Variants in MED12L observed in about 807,000 individuals in gnomAD.
MED12L encodes the protein mediator complex subunit 12L.
A neutral mutation model predicts 281.3 loss-of-function variants in MED12L; 60 were observed. That is an observed-to-expected ratio of 0.21 (90% CI 0.17 to 0.26). The LOEUF (loss-of-function observed/expected upper bound fraction) is 0.26. MED12L is among the 10% of genes least tolerant of loss of function. MED12L has a pLI of 1.00. For missense variants in MED12L, 2,146 were observed against 2,680.9 expected, an observed-to-expected ratio of 0.80 and a Z score of 4.41; for synonymous variants, 974 against 987.2, an observed-to-expected ratio of 0.99 and a Z score of 0.25.
intron 16 of MED12L, among the ~76,000 whole-genome samples, chr3:151,315,366 A>G (rs1748090816): frequency 6.6e-6 from 1 of 152,164 alleles, no homozygotes; most frequent in Non-Finnish European, 1.5e-5. Flanking sequence ...TCCCACCCAC[A>G]TCTCTGAATG....
intron 16 of MED12L, among the ~76,000 whole-genome samples, chr3:151,234,361 G>T (rs1427608784): frequency 6.6e-6 from 1 of 152,178 alleles, no homozygotes; most frequent in African/African-American, 2.4e-5. Flanking sequence ...TGAATAAATT[G>T]TCTGTCTAGG....
rs536724966 is a variant in MED12L, at chr3:151,300,046, G to T, written c.2251-50013G>T. ...TCATCAATAAAGTAAGATTTTCTTT[G>T]TATCTCTTACGACGGCTTACTTGGT... is the stretch of plus-strand genomic sequence containing the variant. On this transcript the variant is annotated intron_variant, in intron 16 of 44. Coordinates refer to ENST00000687756, the MANE Select transcript of MED12L (RefSeq NM_001393769.1). The T allele has an allele frequency of 8.4e-6, 13 of 1,546,702 alleles. No individual in the cohort carries two copies. The African/African-American group carries it at 1.6e-4, about 19-fold the overall frequency.
chr3:151,168,779 C>T (rs1181195970), intron 11 of MED12L, among the ~76,000 whole-genome samples: 1 of 152,144 alleles, frequency 6.6e-6, no homozygotes, highest in Non-Finnish European at 1.5e-5. Flanking sequence ...TGTCTTGGCT[C>T]CCTGCAACCT....
At chr3:151,267,320 A>G (rs1740029863) in intron 16 of MED12L, among the ~76,000 whole-genome samples, 1 of 152,226 alleles carries the variant, frequency 6.6e-6, no homozygotes, top group Non-Finnish European at 1.5e-5. Context: ...AGTCATTGAA[A>G]TACTTCATGA....
intron 16 of MED12L, chr3:151,294,656 C>T (rs1344109180): frequency 6.2e-7 from 1 of 1,614,168 alleles, no homozygotes. Context: ...CCCCAAAGGA[C>T]TTTTAAGTTT....
chr3:151,158,403 A>G (rs963908098), intron 6 of MED12L, among the ~76,000 whole-genome samples: 1 of 152,106 alleles, frequency 6.6e-6, no homozygotes, highest in African/African-American at 2.4e-5. Context: ...CCCGAAATCT[A>G]GCCAGGACCC....
chr3:151,147,598 T>C (rs1465786691), intron 5 of MED12L, among the ~76,000 whole-genome samples: 1 of 152,230 alleles, frequency 6.6e-6, no homozygotes, highest in Admixed American at 6.5e-5. Context: ...TTTATATAAA[T>C]GGAATTATAC....
In MED12L at chr3:151,435,836, A is replaced by T. The variant is rs1485113682; in HGVS notation, c.*3032A>T. On this transcript the variant is annotated 3_prime_UTR_variant, in exon 45 of 45. Transcript: ENST00000687756. ...ACAGTGAAACTTCATTATATATAATAGACCTAGACCCTCCCAAGCATTTTC... is the reference window on the plus strand; with the variant it reads ...ACAGTGAAACTTCATTATATATAATTGACCTAGACCCTCCCAAGCATTTTC... 1.4e-5 allele frequency: 2 copies of T among 146,610 alleles called. No individual in the cohort carries two copies. The highest frequency in any genetic ancestry group is 7.0e-5 in the Admixed American group (1 of 14,386). The allele number at this position is 146,610 out of a possible 1,614,324, so 9.1% of individuals were successfully genotyped here. A position where few individuals can be genotyped will look rare whatever the true frequency, so the allele number is the denominator to read the frequency against.
At chr3:151,251,200 C>T (rs1396644728) in intron 16 of MED12L, among the ~76,000 whole-genome samples, 1 of 152,196 alleles carries the variant, frequency 6.6e-6, no homozygotes, top group Non-Finnish European at 1.5e-5. Context: ...GCATCTCTCA[C>T]CACCTTGCAC....
chr3:151,165,854 A>G lies in MED12L; in HGVS notation c.1366A>G (p.Ile456Val), dbSNP rs757922251. Residue 456 changes from isoleucine to valine, a missense_variant, in exon 11 of 45, where the codon ATT (isoleucine) becomes GTT (valine). Coordinates refer to ENST00000687756, the MANE Select transcript of MED12L (RefSeq NM_001393769.1). ...TTAATTTCTGCCTATAGGGGTGACTATTAGTCGGGTTTTGCACACGTTGGA... is the reference window on the plus strand; with the variant it reads ...TTAATTTCTGCCTATAGGGGTGACTGTTAGTCGGGTTTTGCACACGTTGGA... ...KCQESTAGVT[I>V]SRVLHTLEVL... 43 of 1,613,314 alleles carry G rather than the reference A, an allele frequency of 2.7e-5. No homozygotes were observed. The highest frequency in any genetic ancestry group is 1.6e-4 in the Middle Eastern group (1 of 6,084).
At chr3:151,164,189 T>C in intron 9 of MED12L, 147 bp downstream of exon 9, 1 of 794,560 alleles carries the variant, frequency 1.3e-6, no homozygotes, top group Non-Finnish European at 1.9e-6. Context: ...CTTAGAGAAT[T>C]GTTTAGCCTC....
At chr3:151,181,070 G>A (rs1007608345) in intron 11 of MED12L, among the ~76,000 whole-genome samples, 12 of 151,458 alleles carry the variant, frequency 7.9e-5, no homozygotes, top group African/African-American at 2.4e-4. Flanking sequence ...TTTTCTCGGT[G>A]GTTAAGTTTG....
At chr3:151,261,137 G>A (rs760201886) in intron 16 of MED12L, among the ~76,000 whole-genome samples, 1 of 152,008 alleles carries the variant, frequency 6.6e-6, no homozygotes, top group African/African-American at 2.4e-5. Context: ...ATAAGAGGGG[G>A]TGCAATTTTA....
At chr3:151,257,559 G>A (rs1354371679) in intron 16 of MED12L, among the ~76,000 whole-genome samples, 1 of 152,244 alleles carries the variant, frequency 6.6e-6, no homozygotes, top group Non-Finnish European at 1.5e-5. Flanking sequence ...ATACTGTTGT[G>A]AGGAATATTG....
Position 151,378,423 on chromosome 3 carries a change from C to T in MED12L, c.4478+250C>T, listed in dbSNP as rs528393564. On this transcript the variant is annotated intron_variant, in intron 31 of 44. Coordinates refer to ENST00000687756, the MANE Select transcript of MED12L (RefSeq NM_001393769.1). Reference sequence around the variant, plus strand: ...CTGAACTGTTAAAAACAGTGATTTCCGAGACCCGCTTTAGACCAACTGAAT... The same window carrying T: ...CTGAACTGTTAAAAACAGTGATTTCTGAGACCCGCTTTAGACCAACTGAAT... 1.8e-4 allele frequency among the ~76,000 whole-genome samples: 28 copies of T among 152,140 alleles called. No homozygotes were observed. In the East Asian group the frequency reaches 2.3e-3, roughly 13 times the overall value.
At chr3:151,169,851 A>G (rs901381489) in intron 11 of MED12L, among the ~76,000 whole-genome samples, 11 of 152,158 alleles carry the variant, frequency 7.2e-5, no homozygotes, top group African/African-American at 2.2e-4. Context: ...TGTAGTTGCA[A>G]TAGGTTGGAG....
chr3:151,121,308 TA>T (rs1170227151), intron 3 of MED12L, among the ~76,000 whole-genome samples: 1 of 152,166 alleles, frequency 6.6e-6, no homozygotes, highest in Non-Finnish European at 1.5e-5. Flanking sequence ...GTTGTTTGTA[TA>T]AAAAAAAGAC....
chr3:151,150,642 T>A (rs1356096513), intron 5 of MED12L, among the ~76,000 whole-genome samples: 1 of 152,252 alleles, frequency 6.6e-6, no homozygotes, highest in East Asian at 1.9e-4. Flanking sequence ...GGATGGCATC[T>A]TCTTCCAACA....
intron 16 of MED12L, among the ~76,000 whole-genome samples, chr3:151,278,657 CT>C (rs1465507582): frequency 6.6e-6 from 1 of 152,180 alleles, no homozygotes; most frequent in Non-Finnish European, 1.5e-5. Flanking sequence ...AACCTGTTTT[CT>C]TTTCTAACCT....
Sources: allele counts gnomAD v4.1 joint callset (sites outside exome capture counted in the v4.1 genomes callset), GRCh38; gene constraint gnomAD v4.1.1; transcripts MANE v1.5; gene names NCBI Gene and HGNC (gene_info 2026-07-23, HGNC 2026-07-21).